Variants in TRPM1 observed in about 807,000 individuals in gnomAD.
TRPM1 encodes the protein transient receptor potential cation channel subfamily M member 1.
TRPM1 carries 113 observed loss-of-function variants against 149.4 expected under a neutral mutation model. The observed-to-expected ratio is 0.76, with a 90% CI of 0.65 to 0.88. TRPM1 has a LOEUF of 0.88. Among genes scored for constraint, TRPM1 ranks in the 40% least tolerant of loss-of-function variants. The pLI, the probability that TRPM1 is intolerant of heterozygous loss-of-function variation, is 0.00. For missense variants in TRPM1, 1,976 were observed against 2,038.7 expected (o/e 0.97, Z 0.59); for synonymous variants, 741 against 759.5 (o/e 0.98, Z 0.40).
chr15:31,136,795 A>G (rs562341451), intron 1 of TRPM1, among the ~76,000 whole-genome samples: 1 of 142,372 alleles, frequency 7.0e-6, no homozygotes, highest in Non-Finnish European at 1.5e-5. Context: ...TGCTCAGCTC[A>G]TTGGAACACT....
At chr15:31,101,880 T>C (rs2035525090), upstream of TRPM1, among the ~76,000 whole-genome samples, 5 of 152,230 alleles carry the variant, frequency 3.3e-5, no homozygotes, top group South Asian at 1.0e-3. Context: ...GCTTCCAGGC[T>C]GTTCTGTGTG....
chr15:31,153,849 A>G (rs999455423), intron 1 of TRPM1, among the ~76,000 whole-genome samples: 9 of 152,260 alleles, frequency 5.9e-5, no homozygotes, highest in Non-Finnish European at 2.9e-5. Context: ...GACTTGTCTC[A>G]GATACTTTTT....
chr15:31,113,932 T>C (rs895326969), intron 1 of TRPM1, among the ~76,000 whole-genome samples: 2 of 151,286 alleles, frequency 1.3e-5, no homozygotes, highest in African/African-American at 2.5e-5. Flanking sequence ...TATTTGGCCC[T>C]GCCCATGTCC....
chr15:31,119,020 A>G (rs1416940225), intron 1 of TRPM1, among the ~76,000 whole-genome samples: 1 of 152,062 alleles, frequency 6.6e-6, no homozygotes. Context: ...TGGGCAGATC[A>G]CCTGAGGTCA....
At chr15:31,029,490 T>G in intron 23 of TRPM1, 99 bp from the exon 24 acceptor site, 1 of 1,211,364 alleles carries the variant, frequency 8.3e-7, no homozygotes, top group Non-Finnish European at 1.2e-6. Flanking sequence ...GTAAAACAAG[T>G]GGTTTAACAA....
chr15:31,099,816 C>G (rs1243602653), intron 1 of TRPM1, among the ~76,000 whole-genome samples: 3 of 152,098 alleles, frequency 2.0e-5, no homozygotes, highest in African/African-American at 4.8e-5. Context: ...TTGCAAATGC[C>G]ATGAATTAAA....
Position 31,067,910 on chromosome 15 carries a change from C to T in TRPM1, c.462G>A (p.Gly154=). 1 of 1,613,520 alleles carries T rather than the reference C, an allele frequency of 6.2e-7. No individual in the cohort carries two copies. The highest frequency in any genetic ancestry group is 8.5e-7 in the Non-Finnish European group (1 of 1,179,962). ...KGLIKAAMTT[G]AWIFTGGVST... Reference sequence around the variant, plus strand: ...TGACACCCCCGGTGAAGATCCAGGCCCCGGTGGTCATAGCAGCCTTGATCA... The same window carrying T: ...TGACACCCCCGGTGAAGATCCAGGCTCCGGTGGTCATAGCAGCCTTGATCA... The change falls in exon 5 of 28, where the codon GGG becomes GGA. Residue 154 remains glycine, a synonymous_variant. Transcript: ENST00000256552.
At position 31,047,215 on chromosome 15, in the gene TRPM1, C is replaced by T. The variant is rs770918300; in HGVS notation, c.1660G>A (p.Asp554Asn). 6.2e-7 allele frequency: 1 copy of T among 1,614,194 alleles called. No homozygotes were observed. The highest frequency in any genetic ancestry group is 2.2e-5 in the East Asian group (1 of 44,876). Residue 554 changes from aspartate to asparagine, a missense_variant, in exon 15 of 28, where the codon GAC becomes AAC. Asp to Asn is a conservative substitution (Grantham distance 23). Transcript: ENST00000256552. Reference protein sequence around the residue: ...LPPDYHISLIDIGLVLEYLMG... With the variant: ...LPPDYHISLINIGLVLEYLMG... ...AGGTACTCCAGCACGAGCCCGATGT[C>T]TATGAGGCTGATGTGGTAATCAGGC...
rs1036191701 is a variant in TRPM1 at position 31,001,723 on chromosome 15, A to C, written c.*99T>G. ...AAGTCTGAATTTCCAAAATTTTTTA[A>C]GGAAAATGTTTTTAGAAATTGATGA... is the stretch of plus-strand genomic sequence containing the variant. On this transcript the variant is annotated 3_prime_UTR_variant, in exon 28 of 28. Coordinates refer to ENST00000256552, the MANE Select transcript of TRPM1 (RefSeq NM_001252024.2). The C allele has an allele frequency of 2.9e-6, 4 of 1,386,976 alleles. No homozygotes were observed. The African/African-American group carries it at 4.4e-5, about 15-fold the overall frequency. The allele number at this position is 1,386,976 out of a possible 1,614,324, so 85.9% of individuals were successfully genotyped here.
intron 17 of TRPM1, 68 bp downstream of exon 17, chr15:31,041,883 C>T: frequency 6.4e-7 from 1 of 1,570,640 alleles, no homozygotes; most frequent in Non-Finnish European, 8.8e-7. Context: ...TTGGCCACCC[C>T]TCCCTGCAGA....
At chr15:31,149,094 A>T (rs1220314476) in intron 1 of TRPM1, among the ~76,000 whole-genome samples, 2 of 152,210 alleles carry the variant, frequency 1.3e-5, no homozygotes, top group Non-Finnish European at 2.9e-5. Flanking sequence ...AAAGTGGAAA[A>T]CACTCAAGTA....
chr15:31,128,833 A>C (rs538976868), intron 1 of TRPM1, among the ~76,000 whole-genome samples: 1 of 152,312 alleles, frequency 6.6e-6, no homozygotes, highest in East Asian at 1.9e-4. Context: ...AATTCTTTAC[A>C]ATTTTTGAAC....
At chr15:31,019,833 T>G (rs1310181264) in intron 27 of TRPM1, among the ~76,000 whole-genome samples, 5 of 151,828 alleles carry the variant, frequency 3.3e-5, no homozygotes, top group Non-Finnish European at 7.4e-5. Context: ...CACACCTGGC[T>G]AATTTTTGCA....
chr15:31,065,010 G>T lies in TRPM1; in HGVS notation c.790+1066C>A, dbSNP rs759434715. 3 of 532,530 alleles carry T rather than the reference G, an allele frequency of 5.6e-6. No individual in the cohort carries two copies. In the African/African-American group the frequency reaches 5.8e-5, roughly 10 times the overall value. The allele number at this position is 532,530 out of a possible 1,614,324, so 33.0% of individuals were successfully genotyped here. On this transcript the variant is annotated intron_variant, in intron 7 of 27. Coordinates refer to ENST00000256552, the MANE Select transcript of TRPM1 (RefSeq NM_001252024.2). Reference sequence around the variant, plus strand: ...AACAGAGTAGAACAGGTTCTTCTTGGCTTAGGCTGGAGTCCTCGAAGCTCC... The same window carrying T: ...AACAGAGTAGAACAGGTTCTTCTTGTCTTAGGCTGGAGTCCTCGAAGCTCC...
At chr15:31,085,075 G>A (rs148708341) in intron 1 of TRPM1, among the ~76,000 whole-genome samples, 76 of 152,248 alleles carry the variant, frequency 5.0e-4, no homozygotes, top group African/African-American at 1.7e-3. Flanking sequence ...GTGTTTGTGG[G>A]AGGGGATACA....
Position 31,002,337 on chromosome 15 carries a change from T to C in TRPM1, c.4363A>G (p.Lys1455Glu). The C allele has an allele frequency of 1.2e-6, 2 of 1,614,264 alleles. No homozygotes were observed. The highest frequency in any genetic ancestry group is 1.7e-6 in the Non-Finnish European group (2 of 1,180,052). ...ACGAAGCTTCTGGACTTCATTGTTTTACAAGCATTGATCGTTTCATCGGGG... is the reference window on the plus strand; with the variant it reads ...ACGAAGCTTCTGGACTTCATTGTTTCACAAGCATTGATCGTTTCATCGGGG... ...YFPDETINACKTMKSRSFVYS... is the reference protein window; with the variant it reads ...YFPDETINACETMKSRSFVYS... Residue 1455 changes from lysine (K) to glutamate (E), a missense_variant, in exon 28 of 28, where the codon AAA becomes GAA. Lys to Glu is a moderately conservative substitution (Grantham distance 56). Coordinates refer to ENST00000256552, the MANE Select transcript of TRPM1 (RefSeq NM_001252024.2).
intron 1 of TRPM1, among the ~76,000 whole-genome samples, chr15:31,088,410 C>T (rs970760663): frequency 9.2e-5 from 14 of 152,178 alleles, no homozygotes; most frequent in Non-Finnish European, 1.9e-4. Flanking sequence ...CAGAAAGTGT[C>T]TGGGTTGGCA....
At chr15:31,099,035 A>C (rs769542433) in intron 1 of TRPM1, among the ~76,000 whole-genome samples, 28 of 152,196 alleles carry the variant, frequency 1.8e-4, no homozygotes, top group Non-Finnish European at 3.8e-4. Flanking sequence ...TGAGATAGAT[A>C]CTAATATGTG....
intron 1 of TRPM1, among the ~76,000 whole-genome samples, chr15:31,121,851 C>G (rs2035885570): frequency 6.6e-6 from 1 of 151,874 alleles, no homozygotes; most frequent in African/African-American, 2.4e-5. Flanking sequence ...AAAACCAAAC[C>G]AAGACATTAT....
Sources: allele counts gnomAD v4.1 joint callset (sites outside exome capture counted in the v4.1 genomes callset), GRCh38; gene constraint gnomAD v4.1.1; transcripts MANE v1.5; gene names NCBI Gene and HGNC (gene_info 2026-07-23, HGNC 2026-07-21).